Variants in FGF13 observed in about 807,000 individuals in gnomAD.
The protein encoded by FGF13 is fibroblast growth factor homologous factor 2.
A neutral mutation model predicts 19.5 loss-of-function variants in FGF13; 2 were observed. That is an observed-to-expected ratio of 0.10 (90% CI 0.04 to 0.32). The LOEUF (loss-of-function observed/expected upper bound fraction) is 0.32, where lower values mean the gene tolerates loss of function less well. Among genes scored for constraint, FGF13 ranks in the 10% least tolerant of loss-of-function variants. The probability of loss-of-function intolerance (pLI) is 1.00; values close to 1 mark genes in which losing one functional copy is unlikely to be tolerated. For synonymous variants in FGF13, 72 were observed against 76.9 expected (o/e 0.94, Z 0.33); for missense variants, 113 against 192.7 (o/e 0.59, Z 2.45).
intron 3 of FGF13, among the ~76,000 whole-genome samples, chrX:138,761,811 T>C (rs2090468660): frequency 9.0e-6 from 1 of 111,604 alleles, no homozygotes; most frequent in Non-Finnish European, 1.9e-5. Flanking sequence ...CTCTGCATTA[T>C]CCTGGTTATC....
chrX:138,955,157 C>T (rs1387865422), intron 1 of FGF13, among the ~76,000 whole-genome samples: 1 of 113,140 alleles, frequency 8.8e-6, no homozygotes, highest in Non-Finnish European at 1.9e-5. Context: ...AATTTTGACA[C>T]ACTCAGGTCC....
intron 3 of FGF13, among the ~76,000 whole-genome samples, chrX:138,672,031 TG>T (rs2089618627): frequency 9.4e-6 from 1 of 106,879 alleles, no homozygotes; most frequent in South Asian, 4.3e-4. Flanking sequence ...AAAGCAGGGG[TG>T]GGTTTGTCAT....
intron 1 of FGF13, among the ~76,000 whole-genome samples, chrX:138,876,176 C>T (rs1393555100): frequency 8.9e-6 from 1 of 112,156 alleles, no homozygotes; most frequent in Admixed American, 9.5e-5. Flanking sequence ...AAAATCAGTT[C>T]TCTTCTTTCC....
intron 1 of FGF13, among the ~76,000 whole-genome samples, chrX:138,893,894 G>A (rs1170089544): frequency 9.0e-6 from 1 of 111,444 alleles, no homozygotes; most frequent in Middle Eastern, 4.2e-3. Context: ...GTCATGATCT[G>A]AATGAGCCAA....
Position 138,747,805 on chromosome X carries a change from A to G in FGF13, c.218-38877T>C, listed in dbSNP as rs774933838. Among the ~76,000 whole-genome samples the G allele has an allele frequency of 5.4e-5, 6 of 111,474 alleles. No individual in the cohort carries two copies. In the South Asian group the frequency reaches 1.9e-3, roughly 35 times the overall value. On this transcript the variant is annotated intron_variant, in intron 3 of 6. Coordinates refer to the FGF13 transcript ENST00000436198. ...TCATAAAGTTTCCAAGGATGAGGCC[A>G]TCTCCACTGCTTCTAGTATTTTTGG...
chrX:138,978,293 C>A (rs1378673939), intron 1 of FGF13, among the ~76,000 whole-genome samples: 1 of 70,293 alleles, frequency 1.4e-5, no homozygotes, highest in Non-Finnish European at 2.4e-5. Context: ...GATGGAGTCT[C>A]GCTCTGTCGC....
chrX:138,730,321 A>G (rs2090219173), intron 1 of FGF13, among the ~76,000 whole-genome samples: 1 of 111,159 alleles, frequency 9.0e-6, no homozygotes, highest in South Asian at 3.7e-4. Flanking sequence ...TGTACCCTAG[A>G]ACTTAAAGTA....
chrX:138,822,167 C>G (rs2091003849), intron 3 of FGF13, among the ~76,000 whole-genome samples: 1 of 112,081 alleles, frequency 8.9e-6, no homozygotes, highest in Admixed American at 9.5e-5. Flanking sequence ...CTGTTTATCT[C>G]CTCCTGCAGA....
At chrX:138,676,740 C>A (rs898097382) in intron 3 of FGF13, among the ~76,000 whole-genome samples, 2 of 111,839 alleles carry the variant, frequency 1.8e-5, no homozygotes, top group Non-Finnish European at 3.8e-5. Context: ...GTTCAGGCTT[C>A]TATGAGAATC....
intron 1 of FGF13, among the ~76,000 whole-genome samples, chrX:139,001,193 A>G (rs2092071503): frequency 8.9e-6 from 1 of 112,169 alleles, no homozygotes; most frequent in Non-Finnish European, 1.9e-5. Flanking sequence ...CACCAGATGG[A>G]TTAAAGACTT....
In FGF13 at chrX:139,176,628, G is replaced by A. The variant is rs150525322; in HGVS notation, c.-113+26788C>T. On this transcript the variant is annotated intron_variant, in intron 1 of 2. Coordinates refer to the FGF13 transcript ENST00000421460. ...TCTGCTGCATTGTGTCTTTGTTCTC[G>A]TTGGTTTCAAAGAACTTATTTATTT... Among the ~76,000 whole-genome samples the A allele has an allele frequency of 5.8e-3, 639 of 110,895 alleles. 3 individuals carry two copies. Among genetic ancestry groups the A allele is most frequent in the African/African-American group, 0.02 (596 of 30,521 alleles).
At chrX:139,049,902 C>T (rs929225373) in intron 1 of FGF13, among the ~76,000 whole-genome samples, 1 of 112,441 alleles carries the variant, frequency 8.9e-6, no homozygotes, top group African/African-American at 3.2e-5. Context: ...TTTCCTGCCA[C>T]AGTCCAAAGC....
At chrX:139,068,929 G>C (rs1298394373) in intron 1 of FGF13, among the ~76,000 whole-genome samples, 3 of 110,314 alleles carry the variant, frequency 2.7e-5, no homozygotes, top group Non-Finnish European at 3.8e-5. Flanking sequence ...TCTCACACCA[G>C]TTAGAATGGC....
chrX:138,797,421 C>G (rs1388334223), intron 3 of FGF13, among the ~76,000 whole-genome samples: 1 of 111,241 alleles, frequency 9.0e-6, no homozygotes, highest in Non-Finnish European at 1.9e-5. Context: ...GACTATATAT[C>G]TATTTTGGTA....
chrX:139,005,754 ACC>A lies in FGF13; in HGVS notation c.-112-141106_-112-141105del, dbSNP rs1569440633. 4.7e-5 allele frequency among the ~76,000 whole-genome samples: 5 copies of A among 107,328 alleles called. No individual in the cohort carries two copies. In the Middle Eastern group the frequency reaches 0.015, roughly 314 times the overall value. 93.2% of individuals were successfully genotyped at this position (107,328 alleles called of 115,157 possible). On this transcript the variant is annotated intron_variant, in intron 1 of 2. Coordinates refer to the FGF13 transcript ENST00000421460. ...AAAATATTGAAATAAACAAAAAAAA[ACC>A]AGAAATTCTAAAGTTTAAAAATGGA...
chrX:139,090,855 T>C (rs191082869), intron 1 of FGF13, among the ~76,000 whole-genome samples: 2 of 106,407 alleles, frequency 1.9e-5, no homozygotes, highest in Admixed American at 1.0e-4. Context: ...GGCAGCAGGA[T>C]TGTTTGAGCC....
At chrX:139,011,440 C>A (rs1462968175) in intron 1 of FGF13, among the ~76,000 whole-genome samples, 1 of 108,202 alleles carries the variant, frequency 9.2e-6, no homozygotes, top group Non-Finnish European at 1.9e-5. Context: ...AAATCCTCAA[C>A]AAAATACTAG....
At chrX:139,081,724 C>CTCTCTCTCTCTCTCTG (rs2083372086) in intron 1 of FGF13, among the ~76,000 whole-genome samples, 4 of 105,244 alleles carry the variant, frequency 3.8e-5, no homozygotes, top group South Asian at 4.2e-4. Flanking sequence ...TTCTTAATTC[C>CTCTCTCTCTCTCTCTG]TCTCTCTCTC....
intron 1 of FGF13, among the ~76,000 whole-genome samples, chrX:138,727,405 G>A (rs2090194022): frequency 9.0e-6 from 1 of 110,700 alleles, no homozygotes; most frequent in Non-Finnish European, 1.9e-5. Flanking sequence ...TAAAGGGAGA[G>A]AGTTACTGAA....
Sources: allele counts gnomAD v4.1 joint callset (sites outside exome capture counted in the v4.1 genomes callset), GRCh38; gene constraint gnomAD v4.1.1; transcripts MANE v1.5; gene names NCBI Gene and HGNC (gene_info 2026-07-23, HGNC 2026-07-21).